Variants in TMBIM1 observed in about 807,000 individuals in gnomAD.
The protein encoded by TMBIM1 is protein lifeguard 3.
In TMBIM1, 34 loss-of-function variants were observed where a neutral mutation model predicts 45.1. That is an observed-to-expected ratio of 0.75 (90% CI 0.57 to 1.00). The LOEUF is 1.00. TMBIM1 is among the 50% of genes least tolerant of loss of function. TMBIM1 has a pLI of 0.00. For synonymous variants in TMBIM1, 157 were observed against 153.5 expected, an observed-to-expected ratio of 1.02 and a Z score of -0.17; for missense variants, 374 against 402.4, an observed-to-expected ratio of 0.93 and a Z score of 0.60.
chr2:218,278,487 C>A (rs750618748), intron 6 of TMBIM1, 28 bp downstream of exon 6: 3 of 1,612,116 alleles, frequency 1.9e-6, no homozygotes, highest in Non-Finnish European at 2.5e-6. Flanking sequence ...TGTCACCCCT[C>A]TCACTGTGTT....
At chr2:218,278,067 T>A in intron 6 of TMBIM1, 93 bp from the exon 7 acceptor site, 1 of 1,443,454 alleles carries the variant, frequency 6.9e-7, no homozygotes, top group Non-Finnish European at 9.6e-7. Flanking sequence ...CTCCTGTGCC[T>A]GGAGGATTAA....
chr2:218,287,678 C>A (rs1692630554), intron 1 of TMBIM1, among the ~76,000 whole-genome samples: 2 of 152,118 alleles, frequency 1.3e-5, no homozygotes. Flanking sequence ...CCATTGCACT[C>A]CAGCCTGGGC....
chr2:218,279,631 C>T (rs1691659053), intron 3 of TMBIM1: 1 of 489,600 alleles, frequency 2.0e-6, no homozygotes, highest in Admixed American at 3.8e-5. Flanking sequence ...ATGGCCTCTG[C>T]ACTCCCAGCA....
Position 218,275,507 on chromosome 2 carries a change from A to AG in TMBIM1, c.903dup (p.Phe302LeufsTer28). 1 of 1,614,046 alleles carries AG rather than the reference A, an allele frequency of 6.2e-7. No homozygotes were observed. Among genetic ancestry groups the AG allele is most frequent in the Non-Finnish European group, 8.5e-7 (1 of 1,179,948 alleles). The stretch of plus-strand genomic sequence containing the variant: ...CGATCCCCCATCAGCTGCAGCACAA[A>AG]GGTGAAGATGTAGATGATGTCTGTG... On this transcript the variant is annotated frameshift_variant, in exon 12 of 12. Transcript: ENST00000258412. LOFTEE classifies it high-confidence loss of function.
Position 218,280,046 on chromosome 2 carries a change from G to C in TMBIM1, c.283C>G (p.Arg95Gly). The change falls in exon 3 of 12, where the codon CGA becomes GGA. Residue 95 changes from arginine (R) to glycine (G), a missense_variant. Coordinates refer to ENST00000258412, the MANE Select transcript of TMBIM1 (RefSeq NM_022152.6). ...GPGEWDDRKV[R>G]HTFIRKVYSI... is the part of the protein sequence containing the mutation. Reference sequence around the variant, plus strand: ...CTTACCTTTCGGATAAAAGTGTGTCGCACTTTCCGGTCATCCCACTCTCCA... The same window carrying C: ...CTTACCTTTCGGATAAAAGTGTGTCCCACTTTCCGGTCATCCCACTCTCCA... 1 of 1,613,810 alleles carries C rather than the reference G, an allele frequency of 6.2e-7. No homozygotes were observed. The highest frequency in any genetic ancestry group is 1.1e-5 in the South Asian group (1 of 91,086).
Position 218,280,140 on chromosome 2 carries a change from A to G in TMBIM1, c.203-14T>C, listed in dbSNP as rs375257547. On this transcript the variant is annotated splice_polypyrimidine_tract_variant and intron_variant, in intron 2 of 11. Transcript: ENST00000258412. Reference sequence around the variant, plus strand: ...CATGGCCTGGGCCTAGGGACAGATGACACTTGACTCAGCTGGGGACCTGAG... The same window carrying G: ...CATGGCCTGGGCCTAGGGACAGATGGCACTTGACTCAGCTGGGGACCTGAG... 1 of 1,595,060 alleles carries G rather than the reference A, an allele frequency of 6.3e-7. No individual in the cohort carries two copies. Among genetic ancestry groups the G allele is most frequent in the African/African-American group, 1.3e-5 (1 of 74,536 alleles).
chr2:218,282,378 G>A (rs908984982), intron 1 of TMBIM1, among the ~76,000 whole-genome samples, 197 bp from the exon 2 acceptor site: 1 of 152,174 alleles, frequency 6.6e-6, no homozygotes, highest in African/African-American at 2.4e-5. Context: ...CTGCCTTTGC[G>A]CCTGCTTCTT....
At chr2:218,275,983 T>G in intron 11 of TMBIM1, 43 bp downstream of exon 11, 7 of 1,590,632 alleles carry the variant, frequency 4.4e-6, no homozygotes, top group Non-Finnish European at 6.0e-6. Flanking sequence ...ATTCCTCCCC[T>G]CATCCCCTCA....
rs1421311016 is a variant in TMBIM1 at position 218,280,126 on chromosome 2, C to A, written c.203G>T (p.Gly68Val). Residue 68 changes from glycine to valine, a missense_variant and splice_region_variant, in exon 3 of 12, where the codon GGC (glycine) becomes GTC (valine). Gly to Val is a moderately radical substitution (Grantham distance 109, BLOSUM62 -3). Transcript: ENST00000258412. ...CTCCCCATCATAGCCATGGCCTGGG[C>A]CTAGGGACAGATGACACTTGACTCA... The part of the protein sequence containing the change: ...PPTHPMPMNY[G>V]PGHGYDGEER... The A allele has an allele frequency of 1.9e-6, 3 of 1,612,626 alleles. No individual in the cohort carries two copies. The highest frequency in any genetic ancestry group is 2.7e-5 in the African/African-American group (2 of 75,032).
rs370101743 is a variant in TMBIM1 at position 218,278,015 on chromosome 2, C to G, written c.474-41G>C. ...AGCCTTGATTAAATGACTTGGGGCC[C>G]CTCAGGCGTCAGAGGCTCCTACAGC... On this transcript the variant is annotated intron_variant, in intron 6 of 11. Transcript: ENST00000258412. The G allele has an allele frequency of 4.5e-5, 73 of 1,611,522 alleles. No homozygotes were observed. In the African/African-American group the frequency reaches 9.6e-4, roughly 21 times the overall value.
In TMBIM1 at chr2:218,280,396, G is replaced by A. The variant is rs994838083; in HGVS notation, c.203-270C>T. 4 of 398,890 alleles carry A rather than the reference G, an allele frequency of 1.0e-5. No individual in the cohort carries two copies. In the Admixed American group the frequency reaches 1.2e-4, roughly 12 times the overall value. The allele number at this position is 398,890 out of a possible 1,614,324, so 24.7% of individuals were successfully genotyped here. On this transcript the variant is annotated intron_variant, in intron 2 of 11. Transcript: ENST00000258412. ...GCCCACGCCACTGGGGGTTCACTGG[G>A]GGGTCACGATGTAGTGGGGAAGCCA...
At chr2:218,280,209 C>G (rs1691747555) in intron 2 of TMBIM1, 83 bp from the exon 3 acceptor site, 2 of 995,054 alleles carry the variant, frequency 2.0e-6, no homozygotes, top group African/African-American at 1.6e-5. Context: ...ATCTCAAAGT[C>G]TCAGGGATCT....
chr2:218,280,286 G>A, intron 2 of TMBIM1, 160 bp from the exon 3 acceptor site: 1 of 604,036 alleles, frequency 1.7e-6, no homozygotes, highest in East Asian at 2.9e-5. Flanking sequence ...GACACCCTCA[G>A]AGTGACCCAG....
intron 1 of TMBIM1, among the ~76,000 whole-genome samples, chr2:218,287,639 G>A (rs556080368): frequency 1.1e-4 from 17 of 152,146 alleles, no homozygotes; most frequent in Non-Finnish European, 1.5e-4. Flanking sequence ...GAACCCGAGA[G>A]GCAGAGGTTG....
chr2:218,286,531 C>T (rs1692526384), intron 1 of TMBIM1: 1 of 152,232 alleles, frequency 6.6e-6, no homozygotes. Flanking sequence ...AACCAGAGCC[C>T]CTGCTTTCTA....
In TMBIM1 at chr2:218,276,900, T is replaced by C. The variant is rs535787472; in HGVS notation, c.735+104A>G. The C allele has an allele frequency of 6.6e-6, 6 of 913,712 alleles. No homozygotes were observed. The East Asian group carries it at 7.8e-5, about 12-fold the overall frequency. 56.6% of individuals were successfully genotyped at this position (913,712 alleles called of 1,614,324 possible). On this transcript the variant is annotated intron_variant, in intron 10 of 11. Transcript: ENST00000258412. ...CTAGCCAGTCGAGAGGTTCTGGAGG[T>C]CAGAGCCTGCCCCGGGGACCTTTGG...
rs1367000741 is a variant in TMBIM1 at position 218,281,961 on chromosome 2, G to A, written c.181C>T (p.His61Tyr). ...TCACCGTAGTTCATGGGCATCGGGT[G>A]GGTGGGGGGCATGGGCTGTGGGTAG... ...AGYPQPMPPT[H>Y]PMPMNYGPGH... The change falls in exon 2 of 12, where the codon CAC (histidine) becomes TAC (tyrosine). Residue 61 changes from histidine to tyrosine, a missense_variant. Physicochemically the swap from His to Tyr is moderately conservative, Grantham distance 83. Coordinates refer to ENST00000258412, the MANE Select transcript of TMBIM1 (RefSeq NM_022152.6). 7 of 1,601,080 alleles carry A rather than the reference G, an allele frequency of 4.4e-6. No homozygotes were observed. The highest frequency in any genetic ancestry group is 6.0e-6 in the Non-Finnish European group (7 of 1,175,010).
intron 1 of TMBIM1, among the ~76,000 whole-genome samples, chr2:218,290,543 C>G (rs1692866690): frequency 6.6e-6 from 1 of 152,218 alleles, no homozygotes; most frequent in African/African-American, 2.4e-5. Flanking sequence ...CTCCCCTTCC[C>G]CCATTCCACA....
At chr2:218,290,702 A>G (rs550731135) in intron 1 of TMBIM1, among the ~76,000 whole-genome samples, 1 of 152,298 alleles carries the variant, frequency 6.6e-6, no homozygotes, top group East Asian at 1.9e-4. Context: ...GCTCATTAAT[A>G]TCTCCCTTCC....
Sources: gnomAD v4.1 joint callset for allele counts (sites outside exome capture counted in the v4.1 genomes callset) on GRCh38, gnomAD v4.1.1 for gene constraint, MANE v1.5 for transcripts, NCBI Gene and HGNC (gene_info 2026-07-23, HGNC 2026-07-21) for gene names.